The following PTPRG variants were observed in gnomAD, a reference collection of about 807,000 sequenced individuals.
PTPRG encodes receptor-type tyrosine-protein phosphatase gamma.
PTPRG carries 102 observed loss-of-function variants against 165.3 expected under a neutral mutation model. That is an observed-to-expected ratio of 0.62 (90% CI 0.53 to 0.73). The LOEUF (loss-of-function observed/expected upper bound fraction) is 0.73. Among genes scored for constraint, PTPRG ranks in the 30% least tolerant of loss-of-function variants. The probability of loss-of-function intolerance (pLI) is 0.00; values close to 1 mark genes in which losing one functional copy is unlikely to be tolerated. For synonymous variants in PTPRG, 675 were observed against 669.5 expected (o/e 1.01, Z -0.13); for missense variants, 1,866 against 1,861.4 (o/e 1.00, Z -0.05).
chr3:62,091,694 A>G (rs1463017776), intron 5 of PTPRG, among the ~76,000 whole-genome samples: 1 of 152,160 alleles, frequency 6.6e-6, no homozygotes, highest in Non-Finnish European at 1.5e-5. Context: ...AGACAATGCC[A>G]GCAGTGGGAT....
At chr3:61,572,303 AT>A (rs1174596875) in intron 1 of PTPRG, among the ~76,000 whole-genome samples, 1 of 152,184 alleles carries the variant, frequency 6.6e-6, no homozygotes, top group Non-Finnish European at 1.5e-5. Flanking sequence ...GTTAAAAAAA[AT>A]ATGGAGATTT....
intron 4 of PTPRG, among the ~76,000 whole-genome samples, chr3:62,066,089 G>A (rs1411819977): frequency 1.3e-5 from 2 of 151,994 alleles, no homozygotes; most frequent in South Asian, 2.1e-4. Context: ...CTTTCTTGGA[G>A]GTCTCTGGCT....
At chr3:61,609,178 C>T (rs1701096161) in intron 1 of PTPRG, among the ~76,000 whole-genome samples, 1 of 152,098 alleles carries the variant, frequency 6.6e-6, no homozygotes, top group African/African-American at 2.4e-5. Flanking sequence ...AGGCCGTGTC[C>T]CCTTATCTGT....
intron 8 of PTPRG, among the ~76,000 whole-genome samples, chr3:62,183,643 C>A (rs1025922407): frequency 6.6e-6 from 1 of 151,772 alleles, no homozygotes; most frequent in African/African-American, 2.4e-5. Context: ...CTGTATATTT[C>A]CAGCATCCTG....
At chr3:61,739,323 A>G (rs1575622542) in intron 1 of PTPRG, 1 of 152,158 alleles carries the variant, frequency 6.6e-6, no homozygotes, top group East Asian at 1.9e-4. Flanking sequence ...TATTGGGAAC[A>G]TGATTTTATC....
chr3:61,817,440 T>G (rs866028144), intron 2 of PTPRG, among the ~76,000 whole-genome samples: 11 of 152,052 alleles, frequency 7.2e-5, no homozygotes, highest in Admixed American at 1.3e-4. Context: ...AGAATCATTA[T>G]AGTTGAGTTT....
chr3:61,769,163 A>G (rs1559601855), intron 2 of PTPRG: 1 of 152,154 alleles, frequency 6.6e-6, no homozygotes, highest in Non-Finnish European at 1.5e-5. Flanking sequence ...ATGGACGTGA[A>G]TTTTGCGTAA....
chr3:62,140,417 T>C (rs534958381), intron 6 of PTPRG, among the ~76,000 whole-genome samples: 1 of 152,358 alleles, frequency 6.6e-6, no homozygotes, highest in East Asian at 1.9e-4. Context: ...AATGGAATAT[T>C]ATGCTGCACT....
At chr3:62,148,329 A>G (rs2106668106) in intron 6 of PTPRG, among the ~76,000 whole-genome samples, 2 of 152,252 alleles carry the variant, frequency 1.3e-5, no homozygotes, top group East Asian at 3.9e-4. Flanking sequence ...AGAGAGAGGA[A>G]AATACAGGCT....
chr3:61,744,522 C>A (rs1352180373), intron 1 of PTPRG, among the ~76,000 whole-genome samples: 1 of 152,106 alleles, frequency 6.6e-6, no homozygotes, highest in Non-Finnish European at 1.5e-5. Flanking sequence ...CTAAACATAT[C>A]CGAACACATA....
chr3:61,841,296 G>C (rs1006775916), intron 2 of PTPRG, among the ~76,000 whole-genome samples: 5 of 152,176 alleles, frequency 3.3e-5, no homozygotes, highest in African/African-American at 4.8e-5. Flanking sequence ...TCATGTGTTT[G>C]CTGAAAAGCC....
intron 2 of PTPRG, among the ~76,000 whole-genome samples, chr3:61,939,041 C>A: frequency 6.6e-6 from 1 of 152,124 alleles, no homozygotes; most frequent in South Asian, 2.1e-4. Flanking sequence ...CATTATAATA[C>A]GTTTAAATTA....
intron 1 of PTPRG, among the ~76,000 whole-genome samples, chr3:61,588,689 G>A (rs1223789663): frequency 6.6e-6 from 1 of 152,106 alleles, no homozygotes; most frequent in African/African-American, 2.4e-5. Flanking sequence ...CAGATAGTCC[G>A]CCTGCCTTGA....
chr3:62,167,840 G>T (rs1195796137), intron 7 of PTPRG, 131 bp from the exon 8 acceptor site: 3 of 856,398 alleles, frequency 3.5e-6, no homozygotes, highest in Non-Finnish European at 5.5e-6. Context: ...AGCAGCCCTG[G>T]CATTGGGCAC....
At chr3:61,883,907 G>C (rs886128740) in intron 2 of PTPRG, among the ~76,000 whole-genome samples, 3 of 152,066 alleles carry the variant, frequency 2.0e-5, no homozygotes, top group Non-Finnish European at 4.4e-5. Context: ...GTAGAGACAG[G>C]GTCTTACCAT....
chr3:61,795,901 G>A (rs897381128), intron 2 of PTPRG, among the ~76,000 whole-genome samples: 1 of 152,080 alleles, frequency 6.6e-6, no homozygotes, highest in African/African-American at 2.4e-5. Flanking sequence ...GGTGGATAGT[G>A]CATCACTACC....
chr3:61,578,917 T>C lies in PTPRG; in HGVS notation c.85+16545T>C, dbSNP rs527724094. ...TTGTTTGGTGCAGGTGATAAGAATCTGGGTTTCAGTGGTAAGTTCTTTTAC... is the reference window on the plus strand; with the variant it reads ...TTGTTTGGTGCAGGTGATAAGAATCCGGGTTTCAGTGGTAAGTTCTTTTAC... On this transcript the variant is annotated intron_variant, in intron 1 of 29. Coordinates refer to ENST00000474889, the MANE Select transcript of PTPRG (RefSeq NM_002841.4). Among the ~76,000 whole-genome samples the C allele has an allele frequency of 2.6e-5, 4 of 152,340 alleles. No individual in the cohort carries two copies. In the South Asian group the frequency reaches 8.3e-4, roughly 32 times the overall value.
intron 4 of PTPRG, among the ~76,000 whole-genome samples, chr3:62,011,979 G>A (rs554664951): frequency 2.0e-5 from 3 of 152,214 alleles, no homozygotes; most frequent in Non-Finnish European, 4.4e-5. Flanking sequence ...TTAAGTTGGA[G>A]ATACTCTCAG....
intron 1 of PTPRG, among the ~76,000 whole-genome samples, chr3:61,589,122 G>A (rs548982055): frequency 1.3e-5 from 2 of 152,126 alleles, no homozygotes; most frequent in Non-Finnish European, 2.9e-5. Flanking sequence ...ATTTTGAGAC[G>A]GACATAATTA....
Sources: allele counts gnomAD v4.1 joint callset (sites outside exome capture counted in the v4.1 genomes callset), GRCh38; gene constraint gnomAD v4.1.1; transcripts MANE v1.5; gene names NCBI Gene and HGNC (gene_info 2026-07-23, HGNC 2026-07-21).